Variants in FARP1 observed in about 807,000 individuals in gnomAD.
FARP1 encodes the protein FERM, ARHGEF and pleckstrin domain-containing protein 1.
Under a neutral mutation model 128.8 loss-of-function variants are expected in FARP1, and 52 were observed. That is an observed-to-expected ratio of 0.40 (90% CI 0.32 to 0.51). The LOEUF is 0.51. Among genes scored for constraint, FARP1 ranks in the 20% least tolerant of loss-of-function variants. FARP1 has a pLI of 0.45. For synonymous variants in FARP1, 580 were observed against 551.8 expected, an observed-to-expected ratio of 1.05 and a Z score of -0.72; for missense variants, 1,333 against 1,367.9, an observed-to-expected ratio of 0.97 and a Z score of 0.40.
intron 2 of FARP1, among the ~76,000 whole-genome samples, chr13:98,319,577 G>A (rs552958277): frequency 3.6e-4 from 55 of 152,260 alleles, no homozygotes; most frequent in African/African-American, 1.3e-3. Context: ...CTGAGATTGC[G>A]CCACTGCACT....
chr13:98,447,005 A>C, intron 26 of FARP1, 188 bp downstream of exon 26: 1 of 605,972 alleles, frequency 1.7e-6, no homozygotes, highest in South Asian at 2.0e-5. Flanking sequence ...TGGGGTCCCA[A>C]CTTCCCTGCG....
chr13:98,176,291 C>G lies in FARP1; in HGVS notation c.-24+32799C>G. The G allele has an allele frequency of 6.2e-7, 1 of 1,612,344 alleles. No homozygotes were observed. Among genetic ancestry groups the G allele is most frequent in the Non-Finnish European group, 8.5e-7 (1 of 1,178,750 alleles). ...TGGGACTTGCCCCCACCTTCTGCAG[C>G]CTGAAGCTTTTGCAGTTTCGCCATC... On this transcript the variant is annotated intron_variant, in intron 1 of 26. Transcript: ENST00000319562. This position sits in a 1 kb window ranked among gnomAD's most constrained non-coding sequence, Gnocchi z 6.2.
chr13:98,143,050 C>G (rs1017540935), upstream of FARP1: 3 of 148,184 alleles, frequency 2.0e-5, no homozygotes, highest in Non-Finnish European at 4.5e-5. Flanking sequence ...CCGCCTCCCC[C>G]CGCCGAGGGG....
At chr13:98,356,089 A>C (rs1888625505) in intron 3 of FARP1, among the ~76,000 whole-genome samples, 1 of 152,164 alleles carries the variant, frequency 6.6e-6, no homozygotes, top group Non-Finnish European at 1.5e-5. Flanking sequence ...GTTGGGTAGG[A>C]TATTCAATAT....
At chr13:98,409,671 T>C in intron 14 of FARP1, 146 bp downstream of exon 14, 1 of 628,622 alleles carries the variant, frequency 1.6e-6, no homozygotes. Flanking sequence ...ATTAAGTACA[T>C]TCATGTTGTT....
At position 98,339,058 on chromosome 13, in the gene FARP1, C is replaced by T. The variant is rs1295730285; in HGVS notation, c.172-4704C>T. Among the ~76,000 whole-genome samples, 3 of 152,200 alleles carry T rather than the reference C, an allele frequency of 2.0e-5. No individual in the cohort carries two copies. In the East Asian group the frequency reaches 5.8e-4, roughly 29 times the overall value. ...ATGAGGGTATCTTTATGTCTTGAAG[C>T]GCTTTAGGCTTAGCTGCCCGGTACA... On this transcript the variant is annotated intron_variant, in intron 2 of 26. Transcript: ENST00000319562.
chr13:98,227,266 T>C (rs770480105), intron 2 of FARP1, among the ~76,000 whole-genome samples: 2 of 152,128 alleles, frequency 1.3e-5, no homozygotes, highest in Non-Finnish European at 2.9e-5. Flanking sequence ...CTAACGTTCA[T>C]GTTCATTCCG....
intron 3 of FARP1, among the ~76,000 whole-genome samples, chr13:98,351,504 T>G (rs888899115): frequency 6.6e-6 from 1 of 150,928 alleles, no homozygotes. Flanking sequence ...GCCAGCTACT[T>G]GGGAGGCTGA....
rs114301881 is a variant in FARP1, at chr13:98,444,877, A to T, written c.2797-1221A>T. Among the ~76,000 whole-genome samples the T allele has an allele frequency of 6.1e-3, 936 of 152,312 alleles. 6 individuals carry two copies. The highest frequency in any genetic ancestry group is 0.021 in the African/African-American group (891 of 41,558). On this transcript the variant is annotated intron_variant, in intron 24 of 26. Coordinates refer to ENST00000319562, the MANE Select transcript of FARP1 (RefSeq NM_005766.4). ...GCGTGACCCAAGATGCCGCATGGGCATCAGCCCAGCCCTGGCCACCACCAG... is the reference window on the plus strand; with the variant it reads ...GCGTGACCCAAGATGCCGCATGGGCTTCAGCCCAGCCCTGGCCACCACCAG...
chr13:98,411,718 G>A (rs948740505), intron 15 of FARP1, among the ~76,000 whole-genome samples, 183 bp from the exon 16 acceptor site: 7 of 152,172 alleles, frequency 4.6e-5, no homozygotes, highest in African/African-American at 9.7e-5. Flanking sequence ...TTCTTACCCC[G>A]TCTAAGGAAA....
chr13:98,364,531 G>T (rs959288611), intron 3 of FARP1, among the ~76,000 whole-genome samples: 3 of 151,950 alleles, frequency 2.0e-5, no homozygotes, highest in African/African-American at 7.3e-5. Flanking sequence ...GCTGTTTCTC[G>T]TTTTCATATT....
At position 98,251,250 on chromosome 13, in the gene FARP1, A is replaced by G. The variant is rs138197272; in HGVS notation, c.171+37837A>G. Among the ~76,000 whole-genome samples the G allele has an allele frequency of 1.2e-3, 187 of 152,310 alleles. 1 individual carries two copies. The highest frequency in any genetic ancestry group is 4.3e-3 in the African/African-American group (178 of 41,564). ...GAGGCTCAAACAGGTGCTTTGTCCA[A>G]GTTCATTCAGTTAGACGGTGGCTAA... is the stretch of plus-strand genomic sequence containing the variant. On this transcript the variant is annotated intron_variant, in intron 2 of 26. Coordinates refer to ENST00000319562, the MANE Select transcript of FARP1 (RefSeq NM_005766.4).
Position 98,385,731 on chromosome 13 carries a change from G to A in FARP1, c.676G>A (p.Gly226Arg). 1 of 1,614,208 alleles carries A rather than the reference G, an allele frequency of 6.2e-7. No homozygotes were observed. The highest frequency in any genetic ancestry group is 8.5e-7 in the Non-Finnish European group (1 of 1,180,036). Residue 226 changes from glycine to arginine, a missense_variant, in exon 8 of 27, where the codon GGA becomes AGA. By Grantham distance (125) the Gly-to-Arg change is moderately radical (BLOSUM62 -2). Around this residue, in one of 2 missense-constraint regions of FARP1, gnomAD observed 324 missense variants for 398.1 expected, o/e 0.81. Coordinates refer to ENST00000319562, the MANE Select transcript of FARP1 (RefSeq NM_005766.4). ...GATTGCCCGTCGGCTAGAGATGTAT[G>A]GAATCCGGTTGCACCCGGCCAAGGA... is the stretch of plus-strand genomic sequence containing the variant. The part of the protein sequence containing the change: ...LEIARRLEMY[G>R]IRLHPAKDRE...
intron 5 of FARP1, among the ~76,000 whole-genome samples, chr13:98,376,506 TGTCC>T (rs952914421): frequency 5.9e-5 from 9 of 152,354 alleles, no homozygotes; most frequent in African/African-American, 2.2e-4. Flanking sequence ...CCATTTTCTT[TGTCC>T]GTTCATCTGT....
Position 98,255,559 on chromosome 13 carries a change from C to T in FARP1, c.171+42146C>T, listed in dbSNP as rs76779601. ...TGTGTTGTGAAATACAGTGTTTTGC[C>T]GATACCTTAAAATATTATGAAACAA... On this transcript the variant is annotated intron_variant, in intron 2 of 26. Transcript: ENST00000319562. Among the ~76,000 whole-genome samples, 1,170 of 152,028 alleles carry T rather than the reference C, an allele frequency of 7.7e-3. 9 individuals carry two copies. The highest frequency in any genetic ancestry group is 0.049 in the East Asian group (252 of 5,174).
At chr13:98,275,109 CTG>C (rs1566821844) in intron 2 of FARP1, among the ~76,000 whole-genome samples, 1 of 152,106 alleles carries the variant, frequency 6.6e-6, no homozygotes, top group Non-Finnish European at 1.5e-5. Flanking sequence ...AACATGATAT[CTG>C]TGAGAGGTCT....
chr13:98,249,943 A>T (rs1883244106), intron 2 of FARP1, among the ~76,000 whole-genome samples: 1 of 152,212 alleles, frequency 6.6e-6, no homozygotes, highest in Non-Finnish European at 1.5e-5. Context: ...TTCAAAATTC[A>T]TCAGGGTTTA....
chr13:98,430,907 T>C, intron 17 of FARP1, 136 bp from the exon 18 acceptor site: 3 of 653,314 alleles, frequency 4.6e-6, no homozygotes, highest in Non-Finnish European at 8.3e-6. Flanking sequence ...CTATGAACAA[T>C]GTGAAATTTA....
rs959813429 is a variant in FARP1 at position 98,450,291 on chromosome 13, A to AT, written c.*1978dup. On this transcript the variant is annotated 3_prime_UTR_variant, in exon 27 of 27. Transcript: ENST00000319562. ...TAGGTCACTCTGCCTTTGCTGACAC[A>AT]TTTTATAGCAGAAATACACAAGCTG... 4 of 152,218 alleles carry AT rather than the reference A, an allele frequency of 2.6e-5. No individual in the cohort carries two copies. The highest frequency in any genetic ancestry group is 4.4e-5 in the Non-Finnish European group (3 of 68,038). The allele number at this position is 152,218 out of a possible 1,614,324, so 9.4% of individuals were successfully genotyped here. A position where few individuals can be genotyped will look rare whatever the true frequency, so the allele number is the denominator to read the frequency against.
Sources: gnomAD v4.1 joint callset for allele counts (sites outside exome capture counted in the v4.1 genomes callset) on GRCh38, gnomAD v4.1.1 for gene constraint, gnomAD v4.1.1 regional missense constraint, Gnocchi (gnomAD v3.1) non-coding constraint, MANE v1.5 for transcripts, NCBI Gene and HGNC (gene_info 2026-07-23, HGNC 2026-07-21) for gene names.